The following CLXN variants were observed in gnomAD, a reference collection of about 807,000 sequenced individuals.
CLXN encodes the protein EF-hand calcium binding domain 1.
chr8:48,723,623 C>G, the CLXN span: 1 of 152,308 alleles, frequency 6.6e-6, no homozygotes, highest in Non-Finnish European at 1.5e-5. Flanking sequence ...AAGCAGCTCA[C>G]CCAAGCCTAA....
chr8:48,727,299 T>C, the CLXN span, among the ~76,000 whole-genome samples: 2,029 of 152,112 alleles, frequency 0.013, 53 homozygotes, highest in African/African-American at 0.046. Context: ...ACACAGGGTA[T>C]GGGGAAACAC....
the CLXN span, among the ~76,000 whole-genome samples, chr8:48,732,486 A>G: frequency 1.6e-3 from 241 of 152,320 alleles, 2 homozygotes; most frequent in African/African-American, 5.6e-3. Flanking sequence ...CTGGGAAAAA[A>G]GATTCAGCAA....
At chr8:48,724,283 T>G in the CLXN span, 2 of 152,472 alleles carry the variant, frequency 1.3e-5, no homozygotes, top group African/African-American at 4.8e-5. Flanking sequence ...CAGAAAGGCG[T>G]TTCAATGCTC....
At chr8:48,731,540 T>C in the CLXN span, 3 of 1,527,206 alleles carry the variant, frequency 2.0e-6, no homozygotes, top group Non-Finnish European at 2.6e-6. Context: ...AAATGAACCC[T>C]TAATCTTTAA....
the CLXN span, chr8:48,724,761 T>G: frequency 6.2e-7 from 1 of 1,612,214 alleles, no homozygotes; most frequent in South Asian, 1.1e-5. Context: ...ATTGAATTCA[T>G]TTGGATCTTT....
the CLXN span, among the ~76,000 whole-genome samples, chr8:48,725,735 C>T: frequency 7.4e-4 from 113 of 151,982 alleles, no homozygotes; most frequent in African/African-American, 2.4e-3. Context: ...ACCTGGGAGG[C>T]GGAGGTTGCG....
chr8:48,719,945 G>A, the CLXN span, among the ~76,000 whole-genome samples: 5 of 152,048 alleles, frequency 3.3e-5, no homozygotes, highest in South Asian at 4.1e-4. Context: ...GCATTGTTGC[G>A]GGAAGTCAGG....
At chr8:48,715,936 G>T in the CLXN span, 1 of 152,240 alleles carries the variant, frequency 6.6e-6, no homozygotes, top group African/African-American at 2.4e-5. Flanking sequence ...AAAATGATTG[G>T]TTTAGAGAAG....
chr8:48,731,556 A>G, the CLXN span: 1 of 1,470,460 alleles, frequency 6.8e-7, no homozygotes, highest in African/African-American at 1.4e-5. Context: ...TTTAAGTTCT[A>G]ACTTAAATTT....
the CLXN span, among the ~76,000 whole-genome samples, chr8:48,717,532 A>G: frequency 6.6e-6 from 1 of 152,260 alleles, no homozygotes; most frequent in African/African-American, 2.4e-5. Flanking sequence ...CAAAAATGGT[A>G]GAGAGTTCTT....
chr8:48,727,747 G>A, the CLXN span, among the ~76,000 whole-genome samples: 4 of 152,156 alleles, frequency 2.6e-5, no homozygotes, highest in Non-Finnish European at 5.9e-5. Context: ...ACTGGACATT[G>A]TTGAGAAAAG....
At chr8:48,723,008 A>G in the CLXN span, among the ~76,000 whole-genome samples, 2 of 152,106 alleles carry the variant, frequency 1.3e-5, no homozygotes, top group African/African-American at 4.8e-5. Context: ...GGTGGGGCAA[A>G]ATGGGGGGAT....
At chr8:48,720,716 T>C in the CLXN span, among the ~76,000 whole-genome samples, 2 of 152,224 alleles carry the variant, frequency 1.3e-5, no homozygotes, top group Non-Finnish European at 2.9e-5. Flanking sequence ...TTCTGCTTTT[T>C]GCCCTTTGAA....
At chr8:48,720,541 T>C in the CLXN span, among the ~76,000 whole-genome samples, 2 of 152,180 alleles carry the variant, frequency 1.3e-5, no homozygotes, top group Non-Finnish European at 2.9e-5. Flanking sequence ...GGTTAATTTG[T>C]GGTCAGACGG....
At chr8:48,731,420 G>T in the CLXN span, 1 of 1,613,264 alleles carries the variant, frequency 6.2e-7, no homozygotes, top group Non-Finnish European at 8.5e-7. Flanking sequence ...TTACGATCCA[G>T]TCCAACAACC....
At chr8:48,721,280 T>C in the CLXN span, among the ~76,000 whole-genome samples, 7 of 152,062 alleles carry the variant, frequency 4.6e-5, no homozygotes, top group African/African-American at 1.7e-4. Flanking sequence ...CTGAAAATTA[T>C]AAAGGCAATG....
chr8:48,718,288 A>G, the CLXN span, among the ~76,000 whole-genome samples: 1 of 152,190 alleles, frequency 6.6e-6, no homozygotes, highest in Non-Finnish European at 1.5e-5. Flanking sequence ...TTAAATATAT[A>G]TACAACCAAT....
the CLXN span, among the ~76,000 whole-genome samples, chr8:48,725,666 T>G: frequency 0.11 from 16,974 of 151,906 alleles, 2,952 homozygotes; most frequent in African/African-American, 0.37. Context: ...TATCCGGGCG[T>G]GGTGGCGCAT....
chr8:48,724,792 C>T, the CLXN span: 2 of 1,610,638 alleles, frequency 1.2e-6, no homozygotes, highest in African/African-American at 1.3e-5. Flanking sequence ...GCTTCAAATT[C>T]CATCTGGCTC....
Sources: gnomAD v4.1 joint callset for allele counts (sites outside exome capture counted in the v4.1 genomes callset) on GRCh38, gnomAD v4.1.1 for gene constraint, MANE v1.5 for transcripts, NCBI Gene and HGNC (gene_info 2026-07-23, HGNC 2026-07-21) for gene names.